Variants in ATP2B4 observed in about 807,000 individuals in gnomAD.
ATP2B4 encodes ATPase plasma membrane Ca2+ transporting 4.
A neutral mutation model predicts 110.3 loss-of-function variants in ATP2B4; 39 were observed. That is an observed-to-expected ratio of 0.35 (90% CI 0.27 to 0.46). The LOEUF (loss-of-function observed/expected upper bound fraction) is 0.46. Ranked by LOEUF, ATP2B4 falls within the 20% of genes least tolerant of loss-of-function variation. The probability of loss-of-function intolerance (pLI) is 1.00; values close to 1 mark genes in which losing one functional copy is unlikely to be tolerated. For missense variants in ATP2B4, 1,135 were observed against 1,530.9 expected (o/e 0.74, Z 4.32); for synonymous variants, 538 against 571.7 (o/e 0.94, Z 0.84).
chr1:203,640,988 C>A (rs1207649540), intron 1 of ATP2B4, among the ~76,000 whole-genome samples: 1 of 152,156 alleles, frequency 6.6e-6, no homozygotes, highest in East Asian at 1.9e-4. Flanking sequence ...TCTTGGAGAT[C>A]ATCTGGTTGT....
chr1:203,640,605 G>A (rs1663597380), intron 1 of ATP2B4, among the ~76,000 whole-genome samples: 1 of 152,170 alleles, frequency 6.6e-6, no homozygotes, highest in East Asian at 1.9e-4. Context: ...GATTAGAGGT[G>A]TGAGCCACTG....
chr1:203,630,336 C>T (rs1054111613), intron 1 of ATP2B4, among the ~76,000 whole-genome samples: 12 of 147,400 alleles, frequency 8.1e-5, no homozygotes, highest in Admixed American at 4.9e-4. Flanking sequence ...TCAAAAACTC[C>T]GAAACCCCTT....
chr1:203,729,189 G>A (rs1297455800), intron 20 of ATP2B4, among the ~76,000 whole-genome samples: 1 of 152,098 alleles, frequency 6.6e-6, no homozygotes, highest in African/African-American at 2.4e-5. Context: ...GATAGATGGA[G>A]TGAATATTCT....
chr1:203,697,152 C>G (rs1364082077), intron 2 of ATP2B4, among the ~76,000 whole-genome samples: 1 of 152,050 alleles, frequency 6.6e-6, no homozygotes, highest in Non-Finnish European at 1.5e-5. Context: ...ATGCATACAC[C>G]TAGGCACACA....
At chr1:203,679,624 C>A (rs1340248802) in intron 1 of ATP2B4, among the ~76,000 whole-genome samples, 1 of 152,128 alleles carries the variant, frequency 6.6e-6, no homozygotes, top group Non-Finnish European at 1.5e-5. Context: ...GTAGTTCACG[C>A]CTCTAATCCT....
intron 1 of ATP2B4, among the ~76,000 whole-genome samples, chr1:203,631,155 A>G (rs1207539348): frequency 1.3e-5 from 2 of 152,266 alleles, no homozygotes; most frequent in Non-Finnish European, 2.9e-5. Context: ...GCTCTGGGTC[A>G]GGGAAGAGGC....
chr1:203,646,260 C>T (rs1380066644), intron 1 of ATP2B4, among the ~76,000 whole-genome samples: 1 of 151,748 alleles, frequency 6.6e-6, no homozygotes, highest in Non-Finnish European at 1.5e-5. Flanking sequence ...AGATAAAATA[C>T]TTTTATCCAA....
At chr1:203,650,477 CCCGCCTTA>C (rs1663948805) in intron 1 of ATP2B4, among the ~76,000 whole-genome samples, 1 of 152,186 alleles carries the variant, frequency 6.6e-6, no homozygotes, top group Non-Finnish European at 1.5e-5. Context: ...GTGGAGTCGG[CCCGCCTTA>C]TTTGGGGCTT....
At chr1:203,696,726 A>G (rs1665542677) in intron 2 of ATP2B4, among the ~76,000 whole-genome samples, 1 of 152,166 alleles carries the variant, frequency 6.6e-6, no homozygotes, top group African/African-American at 2.4e-5. Flanking sequence ...TCCCTCTGGG[A>G]AAGTGCGTAG....
At position 203,673,097 on chromosome 1, in the gene ATP2B4, G is replaced by A. The variant is rs535448190; in HGVS notation, c.-464-9645G>A. Among the ~76,000 whole-genome samples the A allele has an allele frequency of 3.2e-4, 48 of 152,312 alleles. 1 individual carries two copies. The highest frequency in any genetic ancestry group is 3.4e-3 in the Middle Eastern group (1 of 294). ...TTCCTGTGCCTTCCCATGTCAGCCT[G>A]GAGCTGAAGGGGTTCATGGGAATGC... On this transcript the variant is annotated intron_variant, in intron 1 of 20. Coordinates refer to ENST00000357681, the MANE Select transcript of ATP2B4 (RefSeq NM_001684.5).
At chr1:203,697,694 G>T (rs1665573872) in intron 2 of ATP2B4, among the ~76,000 whole-genome samples, 1 of 152,042 alleles carries the variant, frequency 6.6e-6, no homozygotes, top group Admixed American at 6.6e-5. Context: ...GGAAGGAAAG[G>T]GTCTTTTTTA....
chr1:203,720,543 C>A lies in ATP2B4; in HGVS notation c.2407-6C>A. The stretch of plus-strand genomic sequence containing the variant: ...CCTCACTGTTTTCCCTCCCATCTTA[C>A]CTCAGGGCATCGCAGGCACAGATGT... On this transcript the variant is annotated splice_region_variant and splice_polypyrimidine_tract_variant and intron_variant, in intron 15 of 20. Coordinates refer to ENST00000357681, the MANE Select transcript of ATP2B4 (RefSeq NM_001684.5). 6.3e-7 allele frequency: 1 copy of A among 1,596,786 alleles called. No individual in the cohort carries two copies. Among genetic ancestry groups the A allele is most frequent in the South Asian group, 1.1e-5 (1 of 87,146 alleles).
intron 3 of ATP2B4, among the ~76,000 whole-genome samples, chr1:203,698,731 G>C (rs1040505747): frequency 1.3e-5 from 2 of 151,928 alleles, no homozygotes; most frequent in Non-Finnish European, 2.9e-5. Context: ...CAACCTCCTG[G>C]GTTCAAGCAA....
Position 203,713,192 on chromosome 1 carries a change from T to C in ATP2B4, c.2239T>C (p.Trp747Arg). The change falls in exon 14 of 21, where the codon TGG becomes CGG. Residue 747 changes from tryptophan (W) to arginine (R), a missense_variant. Trp to Arg is a moderately radical substitution (Grantham distance 101). This residue lies in a region of ATP2B4 where 368 missense variants were observed against 455.9 expected (regional missense o/e 0.81). Transcript: ENST00000357681. The part of the protein sequence containing the change: ...EVEQEKLDKI[W>R]PKLRVLARSS... ...AGAGCAAGAAAAGCTGGACAAGATCTGGCCTAAGCTTCGGGTCCTGGCGCG... is the reference window on the plus strand; with the variant it reads ...AGAGCAAGAAAAGCTGGACAAGATCCGGCCTAAGCTTCGGGTCCTGGCGCG... 1 of 1,614,186 alleles carries C rather than the reference T, an allele frequency of 6.2e-7. No individual in the cohort carries two copies. The highest frequency in any genetic ancestry group is 1.7e-5 in the Admixed American group (1 of 60,018).
At chr1:203,712,754 C>G (rs960508306) in intron 13 of ATP2B4, among the ~76,000 whole-genome samples, 1 of 152,078 alleles carries the variant, frequency 6.6e-6, no homozygotes, top group African/African-American at 2.4e-5. Context: ...TGTCCCTGCC[C>G]TTTGGCTAAC....
chr1:203,633,157 C>T (rs1032419257), intron 1 of ATP2B4, among the ~76,000 whole-genome samples: 3 of 152,188 alleles, frequency 2.0e-5, no homozygotes, highest in Admixed American at 6.5e-5. Flanking sequence ...CTTAAAGGGT[C>T]TCCCGCCAAC....
At position 203,652,564 on chromosome 1, in the gene ATP2B4, G is replaced by A. The variant is rs111917691; in HGVS notation, c.-465+25345G>A. ...ATTATTAAATAAATTGAAGGTTTGC[G>A]GCAACCCTGTGTTGAGCAAGTCTGT... On this transcript the variant is annotated intron_variant, in intron 1 of 20. Transcript: ENST00000357681. Among the ~76,000 whole-genome samples the A allele has an allele frequency of 6.1e-3, 930 of 152,098 alleles. 8 individuals carry two copies. The highest frequency in any genetic ancestry group is 0.02 in the African/African-American group (850 of 41,468).
intron 19 of ATP2B4, among the ~76,000 whole-genome samples, chr1:203,724,218 A>G (rs1035075287): frequency 3.3e-5 from 5 of 152,170 alleles, no homozygotes; most frequent in Non-Finnish European, 5.9e-5. Flanking sequence ...GCCTGGAGGT[A>G]GAAAAATCCC....
At chr1:203,692,352 T>G (rs10900591) in intron 2 of ATP2B4, among the ~76,000 whole-genome samples, 95,056 of 151,922 alleles carry the variant, frequency 0.63, 31,496 homozygotes, top group East Asian at 0.8. Flanking sequence ...TAATTTTTTT[T>G]ATTATTTGTA....
Sources: gnomAD v4.1 joint callset for allele counts (sites outside exome capture counted in the v4.1 genomes callset) on GRCh38, gnomAD v4.1.1 for gene constraint, gnomAD v4.1.1 regional missense constraint, MANE v1.5 for transcripts, NCBI Gene and HGNC (gene_info 2026-07-23, HGNC 2026-07-21) for gene names.